SCGB3A1: variants seen among roughly 807,000 people sequenced by gnomAD.
The protein encoded by SCGB3A1 is secretoglobin family 3A member 1.
SCGB3A1 carries 7 observed loss-of-function variants against 7.6 expected under a neutral mutation model. The observed-to-expected ratio is 0.93, with a 90% CI of 0.53 to 1.74. The LOEUF is 1.74. SCGB3A1 is among the 40% of genes most tolerant of loss of function. SCGB3A1 has a pLI of 0.00. For synonymous variants in SCGB3A1, 67 were observed against 66.6 expected (o/e 1.01, Z -0.03); for missense variants, 119 against 129.0 (o/e 0.92, Z 0.38).
chr5:180,590,905 G>GC, intron 1 of SCGB3A1, 67 bp from the exon 2 acceptor site: 1 of 1,234,760 alleles, frequency 8.1e-7, no homozygotes, highest in Non-Finnish European at 1.1e-6. Context: ...TCCAGGACGC[G>GC]CCCCCGCGGG....
chr5:180,590,608 C>G lies in SCGB3A1; in HGVS notation c.283G>C (p.Ala95Pro). The stretch of plus-strand genomic sequence containing the variant: ...CGGGGTGCCCACTTTACCAGCAGGG[C>G]CTTCAGGGCCTTCACGGCCCCCACG... The part of the protein sequence containing the change: ...QAVGAVKALK[A>P]LLGALTVFG The change falls in exon 2 of 3, where the codon GCC becomes CCC. Residue 95 changes from alanine to proline, a missense_variant. Physicochemically the swap from Ala to Pro is conservative, Grantham distance 27. Coordinates refer to ENST00000292641, the MANE Select transcript of SCGB3A1 (RefSeq NM_052863.3). The G allele has an allele frequency of 6.2e-7, 1 of 1,603,402 alleles. No homozygotes were observed. Among genetic ancestry groups the G allele is most frequent in the Non-Finnish European group, 8.5e-7 (1 of 1,175,440 alleles).
chr5:180,591,158 C>T (rs1355463398), intron 1 of SCGB3A1: 3 of 405,672 alleles, frequency 7.4e-6, no homozygotes, highest in Non-Finnish European at 8.6e-6. Flanking sequence ...GATGAGGAGC[C>T]GGTCTCCAGA....
At chr5:180,591,353 G>C in intron 1 of SCGB3A1, 58 bp downstream of exon 1, 1 of 1,168,632 alleles carries the variant, frequency 8.6e-7, no homozygotes, top group Non-Finnish European at 1.1e-6. Flanking sequence ...CGGCGGGGGC[G>C]CAGCGGGCGC....
At chr5:180,590,927 A>C (rs117170752) in intron 1 of SCGB3A1, 89 bp from the exon 2 acceptor site, 37,765 of 961,650 alleles carry the variant, frequency 0.039, 900 homozygotes, top group East Asian at 0.068. Flanking sequence ...GGCGCCCAGG[A>C]ACCGTCGCGC....
chr5:180,590,817 G>A lies in SCGB3A1; in HGVS notation c.74C>T (p.Ser25Leu). The A allele has an allele frequency of 1.9e-6, 3 of 1,602,000 alleles. No homozygotes were observed. The highest frequency in any genetic ancestry group is 2.6e-6 in the Non-Finnish European group (3 of 1,174,718). ...CSSAAAFLVG[S>L]AKPVAQPVAA... Reference sequence around the variant, plus strand: ...GACAGGCTGGGCCACAGGCTTGGCCGAGCCCACTAAGAAAGCAGCAGCTGC... The same window carrying A: ...GACAGGCTGGGCCACAGGCTTGGCCAAGCCCACTAAGAAAGCAGCAGCTGC... The change falls in exon 2 of 3, where the codon TCG becomes TTG. Residue 25 changes from serine (S) to leucine (L), a missense_variant. Coordinates refer to ENST00000292641, the MANE Select transcript of SCGB3A1 (RefSeq NM_052863.3).
At chr5:180,590,280 T>C in intron 2 of SCGB3A1, 26 bp from the exon 3 acceptor site, 2 of 1,569,802 alleles carry the variant, frequency 1.3e-6, no homozygotes, top group African/African-American at 1.3e-5. Flanking sequence ...CGAGCTTGAG[T>C]GCCCCCAGCC....
chr5:180,590,301 G>T (rs565635346), intron 2 of SCGB3A1, 47 bp from the exon 3 acceptor site: 5 of 1,560,040 alleles, frequency 3.2e-6, no homozygotes, highest in Non-Finnish European at 4.3e-6. Flanking sequence ...CTGCCACCAA[G>T]AACTCAGGCG....
At position 180,590,856 on chromosome 5, in the gene SCGB3A1, G is replaced by T; in HGVS notation, c.53-18C>A. ...AGCAGCAGCTGCAAGCGAACAGGGA[G>T]GGGTCACCGCCTGCGCGCCGGGGTC... On this transcript the variant is annotated intron_variant, in intron 1 of 2. Transcript: ENST00000292641. 6.3e-7 allele frequency: 1 copy of T among 1,583,684 alleles called. No homozygotes were observed.
At position 180,590,827 on chromosome 5, in the gene SCGB3A1, A is replaced by T; in HGVS notation, c.64T>A (p.Leu22Ile). The T allele has an allele frequency of 6.2e-7, 1 of 1,603,224 alleles. No homozygotes were observed. Among genetic ancestry groups the T allele is most frequent in the Non-Finnish European group, 8.5e-7 (1 of 1,175,078 alleles). The change falls in exon 2 of 3, where the codon TTA becomes ATA. Residue 22 changes from leucine to isoleucine, a missense_variant. By Grantham distance (5) the Leu-to-Ile change is conservative (BLOSUM62 2). Transcript: ENST00000292641. ...ALSCSSAAAF[L>I]VGSAKPVAQP... is the part of the protein sequence containing the mutation. ...GCCACAGGCTTGGCCGAGCCCACTA[A>T]GAAAGCAGCAGCTGCAAGCGAACAG... is the stretch of plus-strand genomic sequence containing the variant.
chr5:180,590,496 C>A (rs768383031), intron 2 of SCGB3A1, 104 bp downstream of exon 2: 13 of 1,023,272 alleles, frequency 1.3e-5, no homozygotes, highest in Non-Finnish European at 1.6e-5. Context: ...AGGGGCAGGA[C>A]GGGAAACAGC....
At chr5:180,590,395 G>A in intron 2 of SCGB3A1, 141 bp from the exon 3 acceptor site, 3 of 1,156,128 alleles carry the variant, frequency 2.6e-6, no homozygotes, top group Non-Finnish European at 3.7e-6. Context: ...CCCGCGCGGG[G>A]CCATCTCCGC....
rs983661030 is a variant in SCGB3A1 at position 180,590,182 on chromosome 5, C to T, written c.*49G>A. 7.0e-6 allele frequency: 11 copies of T among 1,565,848 alleles called. No homozygotes were observed. The highest frequency in any genetic ancestry group is 1.9e-5 in the Admixed American group (1 of 51,982). On this transcript the variant is annotated 3_prime_UTR_variant, in exon 3 of 3. Coordinates refer to ENST00000292641, the MANE Select transcript of SCGB3A1 (RefSeq NM_052863.3). Reference sequence around the variant, plus strand: ...TCCCCGCGGCGGGGTTTTCAGCCCTCGCGGGTGGGCAGCGTCTTGTCCTCA... The same window carrying T: ...TCCCCGCGGCGGGGTTTTCAGCCCTTGCGGGTGGGCAGCGTCTTGTCCTCA...
rs529004193 is a variant in SCGB3A1, at chr5:180,590,269, C to G, written c.292-15G>C. 1 of 1,574,612 alleles carries G rather than the reference C, an allele frequency of 6.4e-7. No homozygotes were observed. The highest frequency in any genetic ancestry group is 1.3e-5 in the African/African-American group (1 of 74,476). ...GTCAGGGCCCCCTGGAAAGCAGAAG[C>G]CGAGCTTGAGTGCCCCCAGCCCTGC... On this transcript the variant is annotated splice_polypyrimidine_tract_variant and intron_variant, in intron 2 of 2. Coordinates refer to ENST00000292641, the MANE Select transcript of SCGB3A1 (RefSeq NM_052863.3).
At chr5:180,591,159 G>C (rs777337357) in intron 1 of SCGB3A1, 21 of 408,000 alleles carry the variant, frequency 5.1e-5, no homozygotes, top group Non-Finnish European at 9.0e-5. Flanking sequence ...ATGAGGAGCC[G>C]GTCTCCAGAC....
chr5:180,591,295 C>T, intron 1 of SCGB3A1, 116 bp downstream of exon 1: 2 of 890,712 alleles, frequency 2.2e-6, no homozygotes, highest in Non-Finnish European at 2.9e-6. Context: ...GCCCTCTGGG[C>T]GCCGGGCGAG....
At chr5:180,590,358 TCCGCTGGCGTCTCCGGGGGACGCGCA>T in intron 2 of SCGB3A1, 104 bp from the exon 3 acceptor site, 2 of 1,439,334 alleles carry the variant, frequency 1.4e-6, no homozygotes, top group Non-Finnish European at 1.9e-6. Context: ...GCGGGGCGGT[TCCGCTGGCGTCTCCGGGGGACGCGCA>T]CCCGCGCGGG....
In SCGB3A1 at chr5:180,590,691, G is replaced by A; in HGVS notation, c.200C>T (p.Pro67Leu). The change falls in exon 2 of 3, where the codon CCC becomes CTC. Residue 67 changes from proline to leucine, a missense_variant. Coordinates refer to ENST00000292641, the MANE Select transcript of SCGB3A1 (RefSeq NM_052863.3). The part of the protein sequence containing the change: ...LKLLLSSLGI[P>L]VNHLIEGSQK... ...GGAGCCCTCTATGAGGTGGTTCACGGGGATGCCCAGGCTGCTCAGCAGGAG... is the reference window on the plus strand; with the variant it reads ...GGAGCCCTCTATGAGGTGGTTCACGAGGATGCCCAGGCTGCTCAGCAGGAG... 1.3e-6 allele frequency: 2 copies of A among 1,586,068 alleles called. No individual in the cohort carries two copies. Among genetic ancestry groups the A allele is most frequent in the African/African-American group, 2.7e-5 (2 of 74,344 alleles).
At chr5:180,590,920 G>T in intron 1 of SCGB3A1, 82 bp from the exon 2 acceptor site, 4 of 1,062,110 alleles carry the variant, frequency 3.8e-6, no homozygotes, top group East Asian at 2.7e-5. Flanking sequence ...CGCGGGAGGC[G>T]CCCAGGAACC....
chr5:180,591,190 C>T (rs907637317), intron 1 of SCGB3A1: 9 of 404,722 alleles, frequency 2.2e-5, no homozygotes, highest in Non-Finnish European at 3.8e-5. Flanking sequence ...CGGGTGTCCC[C>T]AGGCCAGGGG....
Sources: gnomAD v4.1 joint callset for allele counts on GRCh38, gnomAD v4.1.1 for gene constraint, MANE v1.5 for transcripts, NCBI Gene and HGNC (gene_info 2026-07-23, HGNC 2026-07-21) for gene names.